STIM2: variants seen among roughly 807,000 people sequenced by gnomAD.
STIM2 encodes the protein stromal interaction molecule 2.
A neutral mutation model predicts 85.8 loss-of-function variants in STIM2; 31 were observed. The ratio of observed to expected loss-of-function variants is 0.36; its 90% CI spans 0.27 to 0.49. The LOEUF is 0.49. STIM2 is among the 20% of genes least tolerant of loss of function. STIM2 has a pLI of 0.98. For synonymous variants in STIM2, 356 were observed against 331.1 expected, an observed-to-expected ratio of 1.08 and a Z score of -0.82; for missense variants, 841 against 927.6, an observed-to-expected ratio of 0.91 and a Z score of 1.21.
At chr4:26,940,791 G>T (rs1354094148) in intron 2 of STIM2, among the ~76,000 whole-genome samples, 1 of 151,980 alleles carries the variant, frequency 6.6e-6, no homozygotes, top group African/African-American at 2.4e-5. Context: ...TTATATTAGA[G>T]CCCCATAGTC....
At chr4:27,003,771 G>T (rs1728240168) in intron 7 of STIM2, among the ~76,000 whole-genome samples, 1 of 152,118 alleles carries the variant, frequency 6.6e-6, no homozygotes, top group African/African-American at 2.4e-5. Context: ...AGGCGAGCCT[G>T]CAGGACTGTG....
intron 9 of STIM2, 116 bp from the exon 10 acceptor site, chr4:27,008,648 G>A: frequency 1.7e-6 from 2 of 1,175,990 alleles, no homozygotes; most frequent in East Asian, 2.4e-5. Flanking sequence ...TTTAAGAGTG[G>A]GTTATTTCTT....
chr4:26,951,191 TATCTG>T (rs554712256), intron 2 of STIM2, among the ~76,000 whole-genome samples: 48 of 152,286 alleles, frequency 3.2e-4, no homozygotes, highest in South Asian at 1.0e-3. Flanking sequence ...TTTATACAGT[TATCTG>T]AGCGTTACTA....
chr4:26,991,203 G>A (rs968617669), intron 3 of STIM2, among the ~76,000 whole-genome samples: 1 of 152,066 alleles, frequency 6.6e-6, no homozygotes, highest in Non-Finnish European at 1.5e-5. Context: ...TCAGGTGGAT[G>A]GATAAAGAAA....
At chr4:27,015,836 G>T (rs1486025555) in intron 10 of STIM2, among the ~76,000 whole-genome samples, 3 of 147,822 alleles carry the variant, frequency 2.0e-5, no homozygotes, top group African/African-American at 7.5e-5. Context: ...TGAATCTGAA[G>T]GATGTGTCTT....
At chr4:26,863,795 T>C (rs1461133153) in intron 1 of STIM2, among the ~76,000 whole-genome samples, 1 of 152,130 alleles carries the variant, frequency 6.6e-6, no homozygotes, top group Admixed American at 6.5e-5. Flanking sequence ...AGAATTGGTC[T>C]CTTTGTCTCC....
chr4:26,916,355 G>C (rs1278418560), intron 1 of STIM2, among the ~76,000 whole-genome samples: 1 of 152,122 alleles, frequency 6.6e-6, no homozygotes, highest in Non-Finnish European at 1.5e-5. Context: ...CCAAACCCTA[G>C]AGCAGTCTCA....
intron 3 of STIM2, among the ~76,000 whole-genome samples, chr4:26,967,073 A>C (rs1020289698): frequency 6.6e-6 from 1 of 152,212 alleles, no homozygotes; most frequent in African/African-American, 2.4e-5. Context: ...TAATTACTTA[A>C]TAGTTTGAAA....
At chr4:26,887,154 T>C (rs1430257656) in intron 1 of STIM2, among the ~76,000 whole-genome samples, 2 of 146,656 alleles carry the variant, frequency 1.4e-5, no homozygotes, top group African/African-American at 2.5e-5. Flanking sequence ...TGTTACAAGA[T>C]ACAATAAGCA....
chr4:26,957,081 A>G (rs1425680782), intron 2 of STIM2, among the ~76,000 whole-genome samples: 2 of 152,186 alleles, frequency 1.3e-5, no homozygotes, highest in Non-Finnish European at 2.9e-5. Flanking sequence ...CAAATCCCTT[A>G]TATAAAAATG....
rs570127767 is a variant in STIM2, at chr4:27,003,681, G to GAA, written c.981+586_981+587dup. On this transcript the variant is annotated intron_variant, in intron 7 of 11. Coordinates refer to ENST00000467087, the MANE Select transcript of STIM2 (RefSeq NM_020860.4). ...TAGTTTCCTGTTCCTGCTGTAAAAAGAAAAAAAAAAGCCACAAACTTAGTG... is the reference window on the plus strand; with the variant it reads ...TAGTTTCCTGTTCCTGCTGTAAAAAGAAAAAAAAAAAAGCCACAAACTTAGTG... Among the ~76,000 whole-genome samples the GAA allele has an allele frequency of 3.0e-3, 432 of 142,512 alleles. 1 individual carries two copies. The highest frequency in any genetic ancestry group is 0.011 in the African/African-American group (414 of 38,874). 93.5% of individuals were successfully genotyped at this position (142,512 alleles called of 152,430 possible).
chr4:26,976,347 G>C (rs576986688), intron 3 of STIM2, among the ~76,000 whole-genome samples: 1 of 149,564 alleles, frequency 6.7e-6, no homozygotes. Context: ...GGGAGCTGCA[G>C]ATCGGAGCTG....
intron 3 of STIM2, among the ~76,000 whole-genome samples, chr4:26,973,997 C>T (rs371737971): frequency 1.3e-5 from 2 of 151,282 alleles, no homozygotes; most frequent in East Asian, 3.9e-4. Flanking sequence ...ATGTAACAGC[C>T]TTGTTTCTTT....
At chr4:26,943,005 G>A (rs745415800) in intron 2 of STIM2, among the ~76,000 whole-genome samples, 1 of 151,888 alleles carries the variant, frequency 6.6e-6, no homozygotes, top group Non-Finnish European at 1.5e-5. Context: ...CTTCTCTCTT[G>A]TCTTTGTTTT....
In STIM2 at chr4:27,007,514, CTTCCT is replaced by C. The variant is rs771629616; in HGVS notation, c.982-12_982-8del. 3.2e-5 allele frequency: 48 copies of C among 1,478,600 alleles called. No homozygotes were observed. In the African/African-American group the frequency reaches 6.4e-4, roughly 20 times the overall value. The allele number at this position is 1,478,600 out of a possible 1,614,324, so 91.6% of individuals were successfully genotyped here. A position where few individuals can be genotyped will look rare whatever the true frequency, so the allele number is the denominator to read the frequency against. On this transcript the variant is annotated splice_polypyrimidine_tract_variant and intron_variant, in intron 7 of 11. Coordinates refer to ENST00000467087, the MANE Select transcript of STIM2 (RefSeq NM_020860.4). Reference sequence around the variant, plus strand: ...TCCTCCCTCTCTCCTTTCTTGCCTCCTTCCTTTCCTTCTTCTAGGTTCGCATGGCT... The same window carrying C: ...TCCTCCCTCTCTCCTTTCTTGCCTCCTTCCTTCTTCTAGGTTCGCATGGCT...
chr4:27,008,350 A>G, intron 8 of STIM2, 78 bp from the exon 9 acceptor site: 1 of 823,626 alleles, frequency 1.2e-6, no homozygotes, highest in East Asian at 2.9e-5. Flanking sequence ...AACCAAAACA[A>G]ACTTTATTAT....
rs183013035 is a variant in STIM2, at chr4:26,979,876, G to C, written c.398-15503G>C. Among the ~76,000 whole-genome samples, 579 of 152,260 alleles carry C rather than the reference G, an allele frequency of 3.8e-3. 6 individuals carry two copies. Among genetic ancestry groups the C allele is most frequent in the African/African-American group, 0.013 (561 of 41,556 alleles). On this transcript the variant is annotated intron_variant, in intron 3 of 11. Coordinates refer to ENST00000467087, the MANE Select transcript of STIM2 (RefSeq NM_020860.4). ...ATATTTGTTAATGAAAGATTTGGTAGTATGTTTTTGAAAATTCATTTGATG... is the reference window on the plus strand; with the variant it reads ...ATATTTGTTAATGAAAGATTTGGTACTATGTTTTTGAAAATTCATTTGATG...
chr4:26,874,893 T>A (rs1442900372), intron 1 of STIM2, among the ~76,000 whole-genome samples: 2 of 152,190 alleles, frequency 1.3e-5, no homozygotes, highest in Non-Finnish European at 2.9e-5. Flanking sequence ...GCTGTCATAA[T>A]TTTACTTTTA....
intron 3 of STIM2, among the ~76,000 whole-genome samples, chr4:26,966,002 A>T (rs1396825518): frequency 1.3e-5 from 2 of 152,134 alleles, no homozygotes; most frequent in Middle Eastern, 3.2e-3. Context: ...CTTATGATTT[A>T]AGGAGGTACT....
Sources: allele counts gnomAD v4.1 joint callset (sites outside exome capture counted in the v4.1 genomes callset), GRCh38; gene constraint gnomAD v4.1.1; transcripts MANE v1.5; gene names NCBI Gene and HGNC (gene_info 2026-07-23, HGNC 2026-07-21).